WNK1: variants seen among roughly 807,000 people sequenced by gnomAD.
The protein encoded by WNK1 is serine/threonine-protein kinase WNK1.
Under a neutral mutation model 222.8 loss-of-function variants are expected in WNK1, and 38 were observed. That is an observed-to-expected ratio of 0.17 (90% confidence interval 0.13 to 0.22). The LOEUF (loss-of-function observed/expected upper bound fraction) is 0.22, where lower values mean the gene tolerates loss of function less well. Among genes scored for constraint, WNK1 ranks in the 10% least tolerant of loss-of-function variants. The probability of loss-of-function intolerance (pLI) is 1.00; values close to 1 mark genes in which losing one functional copy is unlikely to be tolerated. For synonymous variants in WNK1, 1,090 were observed against 1,092.9 expected (o/e 1.00, Z 0.05); for missense variants, 2,348 against 2,918.4 (o/e 0.80, Z 4.50).
At chr12:814,637 T>C (rs1947192877) in intron 2 of WNK1, among the ~76,000 whole-genome samples, 1 of 152,146 alleles carries the variant, frequency 6.6e-6, no homozygotes, top group East Asian at 1.9e-4. Flanking sequence ...TTGGTAAGTG[T>C]TGGAGTATGC....
intron 1 of WNK1, among the ~76,000 whole-genome samples, chr12:809,242 AAT>A (rs1946683182): frequency 9.2e-6 from 1 of 108,138 alleles, no homozygotes; most frequent in African/African-American, 3.4e-5. Flanking sequence ...AAAAAAAAAA[AAT>A]TTTTTTTTTT....
chr12:860,585 G>A (rs937046758), intron 6 of WNK1, among the ~76,000 whole-genome samples: 25 of 152,116 alleles, frequency 1.6e-4, no homozygotes, highest in South Asian at 2.1e-4. Flanking sequence ...CTTCATATTC[G>A]TACCACAGTT....
At chr12:766,160 G>A (rs1004030070) in intron 1 of WNK1, among the ~76,000 whole-genome samples, 3 of 152,132 alleles carry the variant, frequency 2.0e-5, no homozygotes, top group East Asian at 1.9e-4. Context: ...GTGATAAGGC[G>A]ATAAGGTTAG....
In WNK1 at chr12:754,000, A is replaced by G. The variant is rs1414653831; in HGVS notation, c.435A>G (p.Glu145=). ...QQPPAAAAPG[E]QAVAGPAPST... ...CTCCAGCCGCTGCCGCCCCTGGGGA[A>G]CAGGCCGTCGCGGGCCCTGCCCCCT... is the stretch of plus-strand genomic sequence containing the variant. The change falls in exon 1 of 28, where the codon GAA becomes GAG. Residue 145 remains glutamate, a synonymous_variant. Transcript: ENST00000315939. This position sits in a 1 kb window ranked among gnomAD's most constrained non-coding sequence, Gnocchi z 5.2. 2 of 1,588,922 alleles carry G rather than the reference A, an allele frequency of 1.3e-6. No homozygotes were observed. Among genetic ancestry groups the G allele is most frequent in the African/African-American group, 2.7e-5 (2 of 74,282 alleles).
In WNK1 at chr12:897,567, GTTA is replaced by G; in HGVS notation, c.6340_6342del (p.Ile2114del). ...CAAACTGGGCAAGGTGCCCCCTGCTGTTATTATTCCCCCAGCTGCTCCCCTTTC... is the reference window on the plus strand; with the variant it reads ...CAAACTGGGCAAGGTGCCCCCTGCTGTTATTCCCCCAGCTGCTCCCCTTTC... On this transcript the variant is annotated inframe_deletion, in exon 25 of 28. Coordinates refer to ENST00000315939, the MANE Select transcript of WNK1 (RefSeq NM_018979.4). 6.2e-7 allele frequency: 1 copy of G among 1,614,076 alleles called. No individual in the cohort carries two copies. Among genetic ancestry groups the G allele is most frequent in the Non-Finnish European group, 8.5e-7 (1 of 1,179,936 alleles).
At chr12:833,102 G>T (rs1298668064) in intron 4 of WNK1, among the ~76,000 whole-genome samples, 1 of 151,718 alleles carries the variant, frequency 6.6e-6, no homozygotes, top group Non-Finnish European at 1.5e-5. Flanking sequence ...AACTTAAGAG[G>T]TATATTTGAT....
chr12:869,337 A>G, intron 8 of WNK1: 1 of 591,892 alleles, frequency 1.7e-6, no homozygotes, highest in Non-Finnish European at 3.0e-6. Flanking sequence ...TGGAAAAAAC[A>G]CAAAAACTAG....
Position 896,420 on chromosome 12 carries a change from C to T in WNK1, c.5933C>T (p.Ser1978Phe), listed in dbSNP as rs749998570. 9 of 1,614,094 alleles carry T rather than the reference C, an allele frequency of 5.6e-6. No homozygotes were observed. The African/African-American group carries it at 9.3e-5, about 17-fold the overall frequency. ...TDTKKEGPVA[S>F]PPFMDLEQAV... ...ACAAAGAAAGAAGGACCAGTGGCAT[C>T]TCCTCCTTTTATGGATTTGGAACAA... The change falls in exon 24 of 28, where the codon TCT (serine) becomes TTT (phenylalanine). Residue 1978 changes from serine (S) to phenylalanine (F), a missense_variant. Around this residue, in one of 13 missense-constraint regions of WNK1, gnomAD observed 1,144 missense variants for 1,273.6 expected, o/e 0.90. Coordinates refer to ENST00000315939, the MANE Select transcript of WNK1 (RefSeq NM_018979.4).
chr12:850,338 A>G (rs1950327362), intron 4 of WNK1, among the ~76,000 whole-genome samples: 2 of 148,606 alleles, frequency 1.3e-5, no homozygotes, highest in African/African-American at 2.5e-5. Context: ...GCATTTTTTC[A>G]TGTGTCTTTT....
At chr12:833,507 A>C (rs1302129003) in intron 4 of WNK1, among the ~76,000 whole-genome samples, 2 of 152,174 alleles carry the variant, frequency 1.3e-5, no homozygotes, top group African/African-American at 4.8e-5. Context: ...ATGTTATATA[A>C]TACTGTACCT....
chr12:906,180 C>A, intron 26 of WNK1: 2 of 497,016 alleles, frequency 4.0e-6, no homozygotes, highest in Non-Finnish European at 5.2e-6. Flanking sequence ...ACTAGTGGTT[C>A]ACAACTTACT....
chr12:844,890 CTTTTTTTT>C (rs11352734), intron 4 of WNK1, among the ~76,000 whole-genome samples: 1 of 80,430 alleles, frequency 1.2e-5, no homozygotes, highest in African/African-American at 4.6e-5. Flanking sequence ...TGTACCTTCT[CTTTTTTTT>C]TTTTTTTTTT....
intron 26 of WNK1, among the ~76,000 whole-genome samples, chr12:903,028 G>T (rs1955402153): frequency 6.6e-6 from 1 of 152,238 alleles, no homozygotes; most frequent in African/African-American, 2.4e-5. Context: ...CCTCTTCACG[G>T]TGGGAAGAAT....
intron 1 of WNK1, among the ~76,000 whole-genome samples, chr12:812,015 AGT>A (rs1161883036): frequency 6.6e-6 from 1 of 152,244 alleles, no homozygotes; most frequent in Non-Finnish European, 1.5e-5. Context: ...ATTGTCATTC[AGT>A]GTATTCTCAA....
At position 876,616 on chromosome 12, in the gene WNK1, T is replaced by C. The variant is rs12318154; in HGVS notation, c.2224-1596T>C. On this transcript the variant is annotated intron_variant, in intron 9 of 27. Coordinates refer to ENST00000315939, the MANE Select transcript of WNK1 (RefSeq NM_018979.4). The stretch of plus-strand genomic sequence containing the variant: ...CATAATAAATGTACAAATAAATAGC[T>C]TATCTTTATACCAGCAGTAACCAAT... 7.5e-3 allele frequency among the ~76,000 whole-genome samples: 1,137 copies of C among 152,286 alleles called. 12 individuals carry two copies. The highest frequency in any genetic ancestry group is 0.026 in the African/African-American group (1,080 of 41,562).
intron 4 of WNK1, among the ~76,000 whole-genome samples, chr12:845,840 A>T (rs1949988282): frequency 2.0e-5 from 3 of 152,236 alleles, no homozygotes; most frequent in Admixed American, 2.0e-4. Context: ...GTCACATAAA[A>T]TCAAGCTTTA....
chr12:905,670 GTCAC>G (rs1177787501), intron 26 of WNK1, among the ~76,000 whole-genome samples: 1 of 152,166 alleles, frequency 6.6e-6, no homozygotes, highest in African/African-American at 2.4e-5. Context: ...TCTAGATTGA[GTCAC>G]TCACTGTCAT....
intron 1 of WNK1, among the ~76,000 whole-genome samples, chr12:788,914 A>C (rs1473616731): frequency 6.6e-6 from 1 of 152,006 alleles, no homozygotes; most frequent in Non-Finnish European, 1.5e-5. Context: ...GTAAGTGAGC[A>C]AACATCTGTT....
intron 4 of WNK1, among the ~76,000 whole-genome samples, chr12:856,832 ATCT>A (rs1950832781): frequency 6.6e-6 from 1 of 152,260 alleles, no homozygotes. Flanking sequence ...TGAACAAAAG[ATCT>A]TCTAACCAAT....
Sources: allele counts gnomAD v4.1 joint callset (sites outside exome capture counted in the v4.1 genomes callset), GRCh38; gene constraint gnomAD v4.1.1; regional missense constraint gnomAD v4.1.1; non-coding constraint Gnocchi (gnomAD v3.1); transcripts MANE v1.5; gene names NCBI Gene and HGNC (gene_info 2026-07-23, HGNC 2026-07-21).